The following LAYN variants were observed in gnomAD, a reference collection of about 807,000 sequenced individuals.
LAYN encodes the protein layilin.
In LAYN, 38 loss-of-function variants were observed where a neutral mutation model predicts 43.6. That is an observed-to-expected ratio of 0.87 (90% CI 0.67 to 1.14). The LOEUF (loss-of-function observed/expected upper bound fraction) is 1.14, where lower values mean the gene tolerates loss of function less well. Ranked by LOEUF, LAYN falls within the 50% of genes most tolerant of loss-of-function variation. The pLI is 0.00. For synonymous variants in LAYN, 168 were observed against 172.9 expected (o/e 0.97, Z 0.22); for missense variants, 479 against 463.8 (o/e 1.03, Z -0.30).
chr11:111,547,412 A>T (rs1373235528), intron 2 of LAYN, among the ~76,000 whole-genome samples: 1 of 152,236 alleles, frequency 6.6e-6, no homozygotes, highest in African/African-American at 2.4e-5. Flanking sequence ...TTTCTGCAAG[A>T]TGTCTAGGAA....
At position 111,554,546 on chromosome 11, in the gene LAYN, T is replaced by G; in HGVS notation, c.542-15T>G. On this transcript the variant is annotated splice_polypyrimidine_tract_variant and intron_variant, in intron 3 of 6. Transcript: ENST00000375614. Reference sequence around the variant, plus strand: ...ACTTACTACTTATTTTTGTTTTTGTTTCTTTCTACTACAGAGAAACCAGCA... The same window carrying G: ...ACTTACTACTTATTTTTGTTTTTGTGTCTTTCTACTACAGAGAAACCAGCA... 6.2e-7 allele frequency: 1 copy of G among 1,608,120 alleles called. No homozygotes were observed.
chr11:111,549,245 C>T (rs538870624), intron 2 of LAYN, among the ~76,000 whole-genome samples: 2 of 152,282 alleles, frequency 1.3e-5, no homozygotes, highest in African/African-American at 4.8e-5. Context: ...TAAGCCATGT[C>T]TCTTCTCAGT....
rs1867940204 is a variant in LAYN at position 111,560,641 on chromosome 11, G to A, written c.*183G>A. On this transcript the variant is annotated 3_prime_UTR_variant, in exon 7 of 7. Coordinates refer to ENST00000375614, the MANE Select transcript of LAYN (RefSeq NM_178834.5). ...CGTTTTGGCTGTATCCTTTATCCCAGCCAGTCATCCAGCTCGACCTTATGA... is the reference window on the plus strand; with the variant it reads ...CGTTTTGGCTGTATCCTTTATCCCAACCAGTCATCCAGCTCGACCTTATGA... 1.6e-6 allele frequency: 1 copy of A among 637,820 alleles called. No homozygotes were observed. Among genetic ancestry groups the A allele is most frequent in the Admixed American group, 3.1e-5 (1 of 32,682 alleles). 39.5% of individuals were successfully genotyped at this position (637,820 alleles called of 1,614,324 possible).
intron 3 of LAYN, among the ~76,000 whole-genome samples, chr11:111,551,924 G>A (rs1417951815): frequency 6.6e-6 from 1 of 152,016 alleles, no homozygotes; most frequent in Non-Finnish European, 1.5e-5. Context: ...CTTTCCCTTT[G>A]TAAATATGGA....
chr11:111,544,079 T>C lies in LAYN; in HGVS notation c.242T>C (p.Leu81Pro). The C allele has an allele frequency of 6.2e-7, 1 of 1,614,134 alleles. No homozygotes were observed. ...ATCGAGTCTGAAGATGAACAGAAAC[T>C]GATAGAAAAGTTCATTGAAAACCTC... The part of the protein sequence containing the change: ...VSIESEDEQK[L>P]IEKFIENLLP... Residue 81 changes from leucine to proline, a missense_variant, in exon 2 of 7, where the codon CTG becomes CCG. Physicochemically the swap from Leu to Pro is moderately conservative, Grantham distance 98 (BLOSUM62 -3). Coordinates refer to ENST00000375614, the MANE Select transcript of LAYN (RefSeq NM_178834.5).
At chr11:111,554,503 C>T in intron 3 of LAYN, 58 bp from the exon 4 acceptor site, 2 of 1,337,214 alleles carry the variant, frequency 1.5e-6, no homozygotes, top group Non-Finnish European at 2.1e-6. Flanking sequence ...TGGTTGATTT[C>T]ATTCAGATGC....
At position 111,560,597 on chromosome 11, in the gene LAYN, ACCTCCTGTTGGACC is replaced by A. The variant is rs1165468159; in HGVS notation, c.*142_*155del. On this transcript the variant is annotated 3_prime_UTR_variant, in exon 7 of 7. Transcript: ENST00000375614. Reference sequence around the variant, plus strand: ...TGTGGATGAGCATGTGGTCCCCACGACCTCCTGTTGGACCCCCACGTTTTGGCTGTATCCTTTAT... The same window carrying A: ...TGTGGATGAGCATGTGGTCCCCACGACCCACGTTTTGGCTGTATCCTTTAT... 1.1e-6 allele frequency: 1 copy of A among 952,268 alleles called. No homozygotes were observed. Among genetic ancestry groups the A allele is most frequent in the Non-Finnish European group, 1.5e-6 (1 of 654,306 alleles). 59.0% of individuals were successfully genotyped at this position (952,268 alleles called of 1,614,324 possible).
At chr11:111,555,931 T>C (rs1867831265) in intron 5 of LAYN, among the ~76,000 whole-genome samples, 1 of 152,206 alleles carries the variant, frequency 6.6e-6, no homozygotes, top group Non-Finnish European at 1.5e-5. Flanking sequence ...AATAGGATAT[T>C]GCAATAGTGC....
intron 2 of LAYN, among the ~76,000 whole-genome samples, chr11:111,548,294 G>A (rs1050968427): frequency 3.3e-5 from 5 of 152,224 alleles, no homozygotes; most frequent in South Asian, 2.1e-4. Context: ...TGCACCTGCC[G>A]TGGTGTTGCA....
Position 111,561,128 on chromosome 11 carries a change from G to C in LAYN, c.*670G>C, listed in dbSNP as rs1339490460. 1 of 152,618 alleles carries C rather than the reference G, an allele frequency of 6.6e-6. No homozygotes were observed. Among genetic ancestry groups the C allele is most frequent in the African/African-American group, 2.4e-5 (1 of 41,452 alleles). The allele number at this position is 152,618 out of a possible 1,614,324, so 9.5% of individuals were successfully genotyped here. A position where few individuals can be genotyped will look rare whatever the true frequency, so the allele number is the denominator to read the frequency against. On this transcript the variant is annotated 3_prime_UTR_variant, in exon 7 of 7. Transcript: ENST00000375614. ...TAATCCCAGAACCTTGGGAGACCAA[G>C]ATTGGAGGATAGCTTGAGTTCAGGA...
intron 2 of LAYN, among the ~76,000 whole-genome samples, chr11:111,547,096 A>T (rs1399084345): frequency 1.3e-5 from 2 of 152,206 alleles, no homozygotes; most frequent in African/African-American, 4.8e-5. Context: ...GGCCAGAGCA[A>T]TATTCCCAGG....
intron 1 of LAYN, among the ~76,000 whole-genome samples, chr11:111,542,362 GAGA>G (rs1867562559): frequency 6.6e-6 from 1 of 152,240 alleles, no homozygotes; most frequent in Non-Finnish European, 1.5e-5. Context: ...CAGGAAAAGG[GAGA>G]AGATGTGGAA....
intron 4 of LAYN, 87 bp downstream of exon 4, chr11:111,554,680 G>A (rs1202471458): frequency 1.7e-6 from 2 of 1,190,208 alleles, no homozygotes; most frequent in African/African-American, 3.0e-5. Flanking sequence ...CTTTGGACTG[G>A]ATTATTCAAC....
At chr11:111,549,507 G>A in intron 2 of LAYN, 111 bp from the exon 3 acceptor site, 2 of 901,882 alleles carry the variant, frequency 2.2e-6, no homozygotes, top group Non-Finnish European at 3.2e-6. Context: ...ATCATGTTCT[G>A]AGGCAGAATC....
In LAYN at chr11:111,560,526, T is replaced by C; in HGVS notation, c.*68T>C. ...ATAAGCAAAATCCTCTTATTTTCTA[T>C]AAGGAAAATACACAGAAGGTCTATG... On this transcript the variant is annotated 3_prime_UTR_variant, in exon 7 of 7. Coordinates refer to ENST00000375614, the MANE Select transcript of LAYN (RefSeq NM_178834.5). 1.3e-6 allele frequency: 2 copies of C among 1,491,682 alleles called. No homozygotes were observed. Among genetic ancestry groups the C allele is most frequent in the Non-Finnish European group, 1.8e-6 (2 of 1,105,028 alleles). 92.4% of individuals were successfully genotyped at this position (1,491,682 alleles called of 1,614,324 possible).
intron 1 of LAYN, chr11:111,541,362 G>C (rs918528583): frequency 1.6e-6 from 1 of 629,458 alleles, no homozygotes; most frequent in Admixed American, 2.5e-5. Context: ...AGAGACAGCG[G>C]GGTAGGGATG....
Position 111,560,385 on chromosome 11 carries a change from ATG to A in LAYN, c.1053_1054del (p.Tyr351Ter). 6.2e-7 allele frequency: 1 copy of A among 1,614,190 alleles called. No homozygotes were observed. ...AGTGGATTTGTGACCAATGACATTT[ATG>A]AGTTCTCCCCAGACCAAATGGGGAG... On this transcript the variant is annotated stop_gained and frameshift_variant, in exon 7 of 7. Transcript: ENST00000375614. LOFTEE classifies it high-confidence loss of function.
chr11:111,554,631 G>C (rs1003512905), intron 4 of LAYN, 38 bp downstream of exon 4: 1 of 1,551,358 alleles, frequency 6.4e-7, no homozygotes, highest in Non-Finnish European at 8.9e-7. Flanking sequence ...AACTGGGGCT[G>C]TTTCATAGCC....
chr11:111,542,761 T>C (rs796620582), intron 1 of LAYN, among the ~76,000 whole-genome samples: 2 of 152,214 alleles, frequency 1.3e-5, no homozygotes, highest in African/African-American at 2.4e-5. Flanking sequence ...CTTTGAACAT[T>C]TGAATCCGGA....
Sources: gnomAD v4.1 joint callset for allele counts (sites outside exome capture counted in the v4.1 genomes callset) on GRCh38, gnomAD v4.1.1 for gene constraint, MANE v1.5 for transcripts, NCBI Gene and HGNC (gene_info 2026-07-23, HGNC 2026-07-21) for gene names.